Variants in BRINP2 observed in about 807,000 individuals in gnomAD.
BRINP2 encodes BMP/retinoic acid inducible neural specific 2.
In BRINP2, 21 loss-of-function variants were observed where a neutral mutation model predicts 69.2. That is an observed-to-expected ratio of 0.30 (90% CI 0.22 to 0.44). The LOEUF (loss-of-function observed/expected upper bound fraction) is 0.44. Among genes scored for constraint, BRINP2 ranks in the 20% least tolerant of loss-of-function variants. BRINP2 has a pLI of 1.00. For synonymous variants in BRINP2, 380 were observed against 394.1 expected, an observed-to-expected ratio of 0.96 and a Z score of 0.42; for missense variants, 877 against 986.0, an observed-to-expected ratio of 0.89 and a Z score of 1.48.
At chr1:177,259,341 C>A (rs990707471) in intron 4 of BRINP2, among the ~76,000 whole-genome samples, 1 of 152,148 alleles carries the variant, frequency 6.6e-6, no homozygotes, top group South Asian at 2.1e-4. Flanking sequence ...TTGAAGCTAG[C>A]GTAGGTTGGT....
chr1:177,246,454 C>T (rs982654355), intron 2 of BRINP2, among the ~76,000 whole-genome samples: 6 of 152,170 alleles, frequency 3.9e-5, no homozygotes, highest in Admixed American at 3.9e-4. Context: ...TCTCCCTTTC[C>T]CCCAAGGTCC....
Position 177,280,840 on chromosome 1 carries a change from AG to A in BRINP2, c.1665del (p.Ser556AlafsTer11). Reference sequence around the variant, plus strand: ...AGGAAGCGCATGCTGCTCACCCTGAAGAGCAACAAGTACAAGCCTGGGCTGG... The same window carrying A: ...AGGAAGCGCATGCTGCTCACCCTGAAAGCAACAAGTACAAGCCTGGGCTGG... ...SWRKRMLLTLKSNKYKPGLVH... is the reference protein window; with the variant it reads ...SWRKRMLLTLXSNKYKPGLVH... On this transcript the variant is annotated frameshift_variant, in exon 8 of 8. Transcript: ENST00000361539. LOFTEE classifies it high-confidence loss of function. The A allele has an allele frequency of 6.2e-7, 1 of 1,614,044 alleles. No homozygotes were observed. The highest frequency in any genetic ancestry group is 8.5e-7 in the Non-Finnish European group (1 of 1,179,946).
chr1:177,203,815 A>C (rs1335698580), intron 1 of BRINP2, among the ~76,000 whole-genome samples: 1 of 152,228 alleles, frequency 6.6e-6, no homozygotes, highest in African/African-American at 2.4e-5. Flanking sequence ...CCAAACAATG[A>C]TCCAAACAAA....
At chr1:177,276,493 A>C in intron 6 of BRINP2, 59 bp downstream of exon 6, 1 of 1,491,404 alleles carries the variant, frequency 6.7e-7, no homozygotes, top group Admixed American at 1.7e-5. Flanking sequence ...CAGAGCAAGA[A>C]CATGGGGAGA....
intron 2 of BRINP2, among the ~76,000 whole-genome samples, chr1:177,239,681 G>A (rs1650135297): frequency 6.6e-6 from 1 of 152,180 alleles, no homozygotes; most frequent in Admixed American, 6.5e-5. Context: ...GATGAGATTG[G>A]TGTATGCTCT....
chr1:177,231,480 G>A (rs929680880), intron 2 of BRINP2, among the ~76,000 whole-genome samples: 1 of 152,200 alleles, frequency 6.6e-6, no homozygotes, highest in South Asian at 2.1e-4. Context: ...ATTCCCAAAT[G>A]GTAAAACAGT....
intron 2 of BRINP2, among the ~76,000 whole-genome samples, chr1:177,235,837 A>G (rs12758344): frequency 0.18 from 27,511 of 152,142 alleles, 2,933 homozygotes; most frequent in Non-Finnish European, 0.24. Flanking sequence ...CCAGAAGGGA[A>G]GTTGTAGTTC....
intron 1 of BRINP2, among the ~76,000 whole-genome samples, chr1:177,176,146 T>G (rs1308260767): frequency 6.6e-6 from 1 of 152,152 alleles, no homozygotes; most frequent in Admixed American, 6.5e-5. Flanking sequence ...TTCCTCTTAC[T>G]GAGGCTCACA....
intron 4 of BRINP2, among the ~76,000 whole-genome samples, chr1:177,264,201 T>C (rs1267234702): frequency 6.6e-6 from 1 of 152,208 alleles, no homozygotes; most frequent in Non-Finnish European, 1.5e-5. Context: ...TCCTGTTCCT[T>C]GACCTGACCA....
intron 4 of BRINP2, among the ~76,000 whole-genome samples, chr1:177,270,101 G>A (rs560799335): frequency 8.0e-4 from 118 of 148,032 alleles, no homozygotes; most frequent in African/African-American, 2.8e-3. Flanking sequence ...TGGTTCTCAA[G>A]CTATTCTGCT....
At chr1:177,256,889 T>G in intron 3 of BRINP2, 1 of 1,238,388 alleles carries the variant, frequency 8.1e-7, no homozygotes, top group Admixed American at 3.4e-5. Flanking sequence ...GTCTCCCCTA[T>G]GAAGATGGAT....
rs138650056 is a variant in BRINP2, at chr1:177,280,644, C to T, written c.1468C>T (p.Leu490=). ...CCCGGGCTATGTGCTGGCCCAGGGG[C>T]TGTGCCGGCCAGAGGTGGCCGAGTC... ...CNPGYVLAQG[L]CRPEVAESLE... Residue 490 remains leucine, a synonymous_variant, in exon 8 of 8, where the codon CTG becomes TTG. Transcript: ENST00000361539. 9.3e-6 allele frequency: 15 copies of T among 1,614,056 alleles called. No homozygotes were observed. Among genetic ancestry groups the T allele is most frequent in the Non-Finnish European group, 1.3e-5 (15 of 1,180,018 alleles).
chr1:177,270,088 G>GGC (rs1224838206), intron 4 of BRINP2, among the ~76,000 whole-genome samples: 4 of 135,804 alleles, frequency 2.9e-5, no homozygotes, highest in Non-Finnish European at 4.8e-5. Context: ...GGGGTGGGGG[G>GGC]GGTGGTTCTC....
At chr1:177,186,812 T>G (rs190916604) in intron 1 of BRINP2, among the ~76,000 whole-genome samples, 1 of 152,324 alleles carries the variant, frequency 6.6e-6, no homozygotes, top group Non-Finnish European at 1.5e-5. Context: ...TAACAAATGC[T>G]TAAGAAGTAT....
intron 2 of BRINP2, among the ~76,000 whole-genome samples, chr1:177,245,029 C>T (rs1558174336): frequency 2.0e-5 from 3 of 151,938 alleles, no homozygotes; most frequent in Admixed American, 6.6e-5. Context: ...CTAATACTGG[C>T]GAGAATGATG....
At chr1:177,211,274 CA>C (rs1194275207) in intron 1 of BRINP2, among the ~76,000 whole-genome samples, 1 of 151,868 alleles carries the variant, frequency 6.6e-6, no homozygotes, top group Non-Finnish European at 1.5e-5. Context: ...TTATTTTTTT[CA>C]TTTTTCTCCT....
intron 1 of BRINP2, among the ~76,000 whole-genome samples, chr1:177,199,159 C>T (rs921230828): frequency 1.3e-5 from 2 of 152,116 alleles, no homozygotes; most frequent in African/African-American, 4.8e-5. Context: ...ACCTTATTGC[C>T]CCCAAATGGT....
intron 1 of BRINP2, among the ~76,000 whole-genome samples, chr1:177,193,514 A>C (rs2102298264): frequency 6.6e-6 from 1 of 152,360 alleles, no homozygotes; most frequent in East Asian, 1.9e-4. Flanking sequence ...CACCTGTGGT[A>C]ATTCAATTAG....
intron 6 of BRINP2, among the ~76,000 whole-genome samples, chr1:177,277,147 A>T (rs1651526016): frequency 6.7e-6 from 1 of 148,438 alleles, no homozygotes; most frequent in Non-Finnish European, 1.5e-5. Flanking sequence ...AGCAAGACAA[A>T]AAGGTTACAT....
Sources: gnomAD v4.1 joint callset for allele counts (sites outside exome capture counted in the v4.1 genomes callset) on GRCh38, gnomAD v4.1.1 for gene constraint, MANE v1.5 for transcripts, NCBI Gene and HGNC (gene_info 2026-07-23, HGNC 2026-07-21) for gene names.